TRIM23: variants seen among roughly 807,000 people sequenced by gnomAD.
The protein encoded by TRIM23 is tripartite motif containing 23.
Under a neutral mutation model 71.0 loss-of-function variants are expected in TRIM23, and 27 were observed. The ratio of observed to expected loss-of-function variants is 0.38; its 90% CI spans 0.28 to 0.52. The LOEUF is 0.52. Among genes scored for constraint, TRIM23 ranks in the 20% least tolerant of loss-of-function variants. TRIM23 has a pLI of 0.84. For synonymous variants in TRIM23, 234 were observed against 238.0 expected, an observed-to-expected ratio of 0.98 and a Z score of 0.16; for missense variants, 482 against 692.3, an observed-to-expected ratio of 0.70 and a Z score of 3.41.
chr5:65,611,982 A>G (rs976544069), intron 3 of TRIM23, 101 bp from the exon 4 acceptor site: 12 of 1,092,956 alleles, frequency 1.1e-5, no homozygotes, highest in Non-Finnish European at 9.0e-6. Flanking sequence ...TAACTGAACA[A>G]TATTTACATA....
Position 65,590,271 on chromosome 5 carries a change from C to G in TRIM23, c.*1498G>C. The stretch of plus-strand genomic sequence containing the variant: ...AATTCGGAAGTATTATTTATGCACA[C>G]AAACTACACCTGTAACAGCATGACC... On this transcript the variant is annotated 3_prime_UTR_variant, in exon 11 of 11. Transcript: ENST00000231524. The G allele has an allele frequency of 8.1e-7, 1 of 1,234,020 alleles. No individual in the cohort carries two copies. The highest frequency in any genetic ancestry group is 1.5e-5 in the African/African-American group (1 of 65,726). 76.4% of individuals were successfully genotyped at this position (1,234,020 alleles called of 1,614,324 possible).
intron 2 of TRIM23, among the ~76,000 whole-genome samples, chr5:65,617,299 G>A (rs1252070902): frequency 6.6e-6 from 1 of 152,010 alleles, no homozygotes; most frequent in Non-Finnish European, 1.5e-5. Flanking sequence ...TAAAATTATA[G>A]GTACTCTTGC....
chr5:65,601,062 A>G (rs555829160), intron 7 of TRIM23, among the ~76,000 whole-genome samples: 6 of 152,370 alleles, frequency 3.9e-5, no homozygotes, highest in Non-Finnish European at 8.8e-5. Context: ...TGGTGCAACC[A>G]TTATGGAAAA....
Position 65,614,092 on chromosome 5 carries a change from C to G in TRIM23, c.366+6G>C, listed in dbSNP as rs1312763235. The G allele has an allele frequency of 1.9e-6, 3 of 1,612,452 alleles. No homozygotes were observed. Among genetic ancestry groups the G allele is most frequent in the African/African-American group, 2.7e-5 (2 of 74,824 alleles). On this transcript the variant is annotated splice_donor_region_variant and intron_variant, in intron 3 of 10. Coordinates refer to ENST00000231524, the MANE Select transcript of TRIM23 (RefSeq NM_001656.4). Reference sequence around the variant, plus strand: ...TAACAAATATTTCACCAAGTATGATCAATACCTCTCCAGATATCCCAATGG... The same window carrying G: ...TAACAAATATTTCACCAAGTATGATGAATACCTCTCCAGATATCCCAATGG...
chr5:65,591,666 T>TATATATATATA lies in TRIM23; in HGVS notation c.*102_*103insTATATATATAT. On this transcript the variant is annotated 3_prime_UTR_variant, in exon 11 of 11. Transcript: ENST00000231524. ...TCCTTTATATATATATATATATATA[T>TATATATATATA]GCATCCTAAATTACCATCTTTTGAG... The TATATATATATA allele has an allele frequency of 9.6e-7, 1 of 1,041,584 alleles. No homozygotes were observed. The highest frequency in any genetic ancestry group is 1.3e-6 in the Non-Finnish European group (1 of 781,782). The allele number at this position is 1,041,584 out of a possible 1,614,324, so 64.5% of individuals were successfully genotyped here.
At chr5:65,605,466 G>T (rs1754470286) in intron 6 of TRIM23, among the ~76,000 whole-genome samples, 1 of 152,204 alleles carries the variant, frequency 6.6e-6, no homozygotes, top group African/African-American at 2.4e-5. Context: ...AAGTGAGTAT[G>T]AGGGAACTAC....
At position 65,610,838 on chromosome 5, in the gene TRIM23, TGAA is replaced by T. The variant is rs1237577322; in HGVS notation, c.828+20_828+22del. On this transcript the variant is annotated intron_variant, in intron 5 of 10. Coordinates refer to ENST00000231524, the MANE Select transcript of TRIM23 (RefSeq NM_001656.4). ...TGAAAAATAAAAAAGAATGAGAAAG[TGAA>T]GAAGAAAAAAAATCCATACATGTTC... The T allele has an allele frequency of 1.9e-6, 3 of 1,548,260 alleles. No individual in the cohort carries two copies. Among genetic ancestry groups the T allele is most frequent in the East Asian group, 2.3e-5 (1 of 43,470 alleles).
At chr5:65,611,353 C>T (rs1754644455) in intron 4 of TRIM23, among the ~76,000 whole-genome samples, 3 of 151,704 alleles carry the variant, frequency 2.0e-5, no homozygotes, top group South Asian at 2.1e-4. Context: ...TGCAAGCAAA[C>T]AGAATGTTTG....
At chr5:65,607,665 T>C (rs1754543553) in intron 6 of TRIM23, among the ~76,000 whole-genome samples, 1 of 152,218 alleles carries the variant, frequency 6.6e-6, no homozygotes, top group Admixed American at 6.5e-5. Flanking sequence ...CCAGTCATTT[T>C]GGCACAACAC....
chr5:65,618,062 A>G (rs758634754), intron 2 of TRIM23, 31 bp downstream of exon 2: 12 of 1,539,450 alleles, frequency 7.8e-6, no homozygotes, highest in South Asian at 1.2e-5. Flanking sequence ...AACAATTTTC[A>G]ATCTTAAATC....
In TRIM23 at chr5:65,613,722, C is replaced by A; in HGVS notation, c.366+376G>T. ...TTTTCCCCTCTGTATTAAATGGCCT[C>A]TTACATCGAGTTTTTCTTTCTCTCA... On this transcript the variant is annotated intron_variant, in intron 3 of 10. Coordinates refer to ENST00000231524, the MANE Select transcript of TRIM23 (RefSeq NM_001656.4). The A allele has an allele frequency of 2.5e-6, 3 of 1,187,872 alleles. No homozygotes were observed. In the South Asian group the frequency reaches 5.0e-5, roughly 20 times the overall value. The allele number at this position is 1,187,872 out of a possible 1,614,324, so 73.6% of individuals were successfully genotyped here.
rs1753986536 is a variant in TRIM23 at position 65,590,438 on chromosome 5, C to G, written c.*1331G>C. ...AAAAATAGATTTGAAAAGAATGAACCACAACAGTGCTACCAAAAAGTCACA... is the reference window on the plus strand; with the variant it reads ...AAAAATAGATTTGAAAAGAATGAACGACAACAGTGCTACCAAAAAGTCACA... On this transcript the variant is annotated 3_prime_UTR_variant, in exon 11 of 11. Coordinates refer to ENST00000231524, the MANE Select transcript of TRIM23 (RefSeq NM_001656.4). 7.5e-7 allele frequency: 1 copy of G among 1,327,914 alleles called. No homozygotes were observed. The highest frequency in any genetic ancestry group is 3.4e-5 in the Admixed American group (1 of 29,592). The allele number at this position is 1,327,914 out of a possible 1,614,324, so 82.3% of individuals were successfully genotyped here.
chr5:65,596,051 G>T (rs1754195438), intron 9 of TRIM23, among the ~76,000 whole-genome samples: 1 of 152,070 alleles, frequency 6.6e-6, no homozygotes, highest in African/African-American at 2.4e-5. Flanking sequence ...GATAAATGTT[G>T]AGTTTAACTG....
intron 7 of TRIM23, among the ~76,000 whole-genome samples, chr5:65,602,867 C>A (rs1213581390): frequency 1.3e-5 from 2 of 152,174 alleles, no homozygotes; most frequent in African/African-American, 4.8e-5. Flanking sequence ...ATTCAATTAC[C>A]TCCCCCTGGG....
intron 1 of TRIM23, among the ~76,000 whole-genome samples, chr5:65,621,151 G>C (rs1181046070): frequency 6.6e-6 from 1 of 152,202 alleles, no homozygotes; most frequent in Non-Finnish European, 1.5e-5. Flanking sequence ...AGGAGATTGA[G>C]ACCATCCTGG....
chr5:65,600,962 G>C (rs1754346992), intron 7 of TRIM23, among the ~76,000 whole-genome samples: 2 of 152,166 alleles, frequency 1.3e-5, no homozygotes, highest in African/African-American at 2.4e-5. Flanking sequence ...AACCAATCAG[G>C]ATGGCTACTA....
At position 65,590,214 on chromosome 5, in the gene TRIM23, GT is replaced by G; in HGVS notation, c.*1554del. The G allele has an allele frequency of 1.1e-6, 1 of 899,254 alleles. No individual in the cohort carries two copies. Among genetic ancestry groups the G allele is most frequent in the South Asian group, 1.8e-5 (1 of 57,106 alleles). 55.7% of individuals were successfully genotyped at this position (899,254 alleles called of 1,614,324 possible). On this transcript the variant is annotated 3_prime_UTR_variant, in exon 11 of 11. Coordinates refer to ENST00000231524, the MANE Select transcript of TRIM23 (RefSeq NM_001656.4). ...TACAACACCTTTTTTATTTTTCACA[GT>G]TATTGAAATCAGTCAAATATTAAAT...
chr5:65,590,899 C>T lies in TRIM23; in HGVS notation c.*870G>A, dbSNP rs953719867. 36 of 985,220 alleles carry T rather than the reference C, an allele frequency of 3.7e-5. No homozygotes were observed. Among genetic ancestry groups the T allele is most frequent in the Non-Finnish European group, 4.3e-5 (36 of 829,908 alleles). The allele number at this position is 985,220 out of a possible 1,614,324, so 61.0% of individuals were successfully genotyped here. Reference sequence around the variant, plus strand: ...TAAAGCCAACCCTGGTTCTGCGTTACTTACTACATTTTACCTATAGTCATT... The same window carrying T: ...TAAAGCCAACCCTGGTTCTGCGTTATTTACTACATTTTACCTATAGTCATT... On this transcript the variant is annotated 3_prime_UTR_variant, in exon 11 of 11. Coordinates refer to ENST00000231524, the MANE Select transcript of TRIM23 (RefSeq NM_001656.4).
chr5:65,600,814 C>T (rs1754342230), intron 7 of TRIM23, among the ~76,000 whole-genome samples: 1 of 151,976 alleles, frequency 6.6e-6, no homozygotes, highest in Non-Finnish European at 1.5e-5. Context: ...AAATAGTCAA[C>T]CCAATCAAAA....
Sources: gnomAD v4.1 joint callset for allele counts (sites outside exome capture counted in the v4.1 genomes callset) on GRCh38, gnomAD v4.1.1 for gene constraint, MANE v1.5 for transcripts, NCBI Gene and HGNC (gene_info 2026-07-23, HGNC 2026-07-21) for gene names.